Variants in RORA observed in about 807,000 individuals in gnomAD.
The protein encoded by RORA is RAR related orphan receptor A.
In RORA, 7 loss-of-function variants were observed where a neutral mutation model predicts 69.5. The observed-to-expected ratio is 0.10, with a 90% CI of 0.06 to 0.19. The LOEUF (loss-of-function observed/expected upper bound fraction) is 0.19, where lower values mean the gene tolerates loss of function less well. Ranked by LOEUF, RORA falls within the 10% of genes least tolerant of loss-of-function variation. RORA has a pLI of 1.00. For missense variants in RORA, 457 were observed against 663.0 expected (o/e 0.69, Z 3.41); for synonymous variants, 261 against 240.8 (o/e 1.08, Z -0.78).
intron 2 of RORA, among the ~76,000 whole-genome samples, chr15:60,561,310 T>C (rs1454886901): frequency 2.6e-5 from 4 of 151,996 alleles, no homozygotes; most frequent in Non-Finnish European, 5.9e-5. Context: ...CTCGATCTCC[T>C]GACCTCGTGA....
intron 1 of RORA, among the ~76,000 whole-genome samples, chr15:61,008,203 C>CTGTGTG (rs10581853): frequency 5.6e-4 from 75 of 135,132 alleles, no homozygotes; most frequent in African/African-American, 1.4e-3. Context: ...CTCTCTCTCT[C>CTGTGTG]TGTGTGTGTG....
At chr15:60,671,078 A>C (rs2140735594) in intron 2 of RORA, among the ~76,000 whole-genome samples, 1 of 55,602 alleles carries the variant, frequency 1.8e-5, no homozygotes, top group Admixed American at 1.3e-4. Context: ...ATATATATAT[A>C]TATATATATA....
At chr15:60,589,326 G>C (rs2068429906) in intron 2 of RORA, among the ~76,000 whole-genome samples, 1 of 152,222 alleles carries the variant, frequency 6.6e-6, no homozygotes. Context: ...ACATGAATCA[G>C]GCCGGACGAA....
intron 1 of RORA, among the ~76,000 whole-genome samples, chr15:60,767,041 CTG>C (rs1389484466): frequency 2.0e-5 from 3 of 152,202 alleles, no homozygotes; most frequent in African/African-American, 7.2e-5. Context: ...TTTGCCTACA[CTG>C]TGTTTTAAAT....
At chr15:60,713,886 A>G (rs922752376) in intron 1 of RORA, among the ~76,000 whole-genome samples, 2 of 152,240 alleles carry the variant, frequency 1.3e-5, no homozygotes, top group Non-Finnish European at 2.9e-5. Context: ...ACAGCTGCCA[A>G]CTGGCAGACT....
intron 1 of RORA, among the ~76,000 whole-genome samples, chr15:60,888,644 T>C (rs899370761): frequency 1.3e-5 from 2 of 152,174 alleles, no homozygotes; most frequent in African/African-American, 4.8e-5. Context: ...CTGGGCACAG[T>C]GTGGCCGATT....
chr15:61,151,280 C>A (rs971934942), intron 1 of RORA, among the ~76,000 whole-genome samples: 1 of 152,184 alleles, frequency 6.6e-6, no homozygotes, highest in Non-Finnish European at 1.5e-5. Flanking sequence ...TAGAGCCAGG[C>A]CTACACCCTG....
chr15:61,052,813 T>C (rs1217940094), intron 1 of RORA, among the ~76,000 whole-genome samples: 1 of 152,266 alleles, frequency 6.6e-6, no homozygotes, highest in African/African-American at 2.4e-5. Context: ...GACGCGAAGA[T>C]GAAAACTTCA....
intron 1 of RORA, among the ~76,000 whole-genome samples, chr15:60,791,223 A>T (rs2072412532): frequency 6.6e-6 from 1 of 152,162 alleles, no homozygotes; most frequent in South Asian, 2.1e-4. Flanking sequence ...CTCATCTGTG[A>T]TATAGACTTG....
Position 61,065,837 on chromosome 15 carries a change from G to C in RORA, c.166+163216C>G, listed in dbSNP as rs938726953. On this transcript the variant is annotated intron_variant, in intron 1 of 10. Transcript: ENST00000335670. ...ACCCCTAACTTTCATGCAAGACTCT[G>C]ATCCTACTCCTTTAATCTGACTACA... Among the ~76,000 whole-genome samples, 6 of 152,160 alleles carry C rather than the reference G, an allele frequency of 3.9e-5. No homozygotes were observed. In the East Asian group the frequency reaches 7.7e-4, roughly 20 times the overall value.
intron 1 of RORA, among the ~76,000 whole-genome samples, chr15:60,888,646 T>C (rs1382535985): frequency 6.6e-6 from 1 of 152,192 alleles, no homozygotes; most frequent in East Asian, 1.9e-4. Context: ...GGGCACAGTG[T>C]GGCCGATTAT....
rs1448270929 is a variant in RORA, at chr15:61,131,590, A to G, written c.166+97463T>C. 6.6e-6 allele frequency among the ~76,000 whole-genome samples: 1 copy of G among 152,200 alleles called. No individual in the cohort carries two copies. Among genetic ancestry groups the G allele is most frequent in the East Asian group, 1.9e-4 (1 of 5,190 alleles). On this transcript the variant is annotated intron_variant, in intron 1 of 10. Coordinates refer to ENST00000335670, the MANE Select transcript of RORA (RefSeq NM_134261.3). The surrounding 1 kb of genome is among the most constrained non-coding windows in gnomAD (Gnocchi z 4.2). ...AGTTACTCATGCTATAGAAGTAATAATGTTATTAATAGAACATGTGCTACA... is the reference window on the plus strand; with the variant it reads ...AGTTACTCATGCTATAGAAGTAATAGTGTTATTAATAGAACATGTGCTACA...
intron 1 of RORA, among the ~76,000 whole-genome samples, chr15:60,760,125 T>C (rs1250917194): frequency 6.6e-6 from 1 of 151,780 alleles, no homozygotes; most frequent in African/African-American, 2.4e-5. Flanking sequence ...CATTAGAAGC[T>C]CTCTGAGCTT....
In RORA at chr15:60,876,325, G is replaced by T. The variant is rs553773406; in HGVS notation, c.167-197639C>A. ...CTTACAGGAAGTGGGGGGGGGGGGGGGCGGCTAGGAGACCACCACACTTGT... is the reference window on the plus strand; with the variant it reads ...CTTACAGGAAGTGGGGGGGGGGGGGTGCGGCTAGGAGACCACCACACTTGT... On this transcript the variant is annotated intron_variant, in intron 1 of 10. Transcript: ENST00000335670. Among the ~76,000 whole-genome samples, 181 of 134,316 alleles carry T rather than the reference G, an allele frequency of 1.3e-3. 3 individuals are homozygous for T. The highest frequency in any genetic ancestry group is 3.6e-3 in the African/African-American group (129 of 36,116). 88.1% of individuals were successfully genotyped at this position (134,316 alleles called of 152,430 possible). A position where few individuals can be genotyped will look rare whatever the true frequency, so the allele number is the denominator to read the frequency against.
At chr15:61,123,818 T>C (rs1596008836) in intron 1 of RORA, among the ~76,000 whole-genome samples, 1 of 152,172 alleles carries the variant, frequency 6.6e-6, no homozygotes, top group African/African-American at 2.4e-5. Flanking sequence ...TCCATGTCCA[T>C]ACCTGGGAAA....
intron 1 of RORA, among the ~76,000 whole-genome samples, chr15:61,103,003 G>C (rs1184558636): frequency 6.6e-6 from 1 of 152,182 alleles, no homozygotes; most frequent in Non-Finnish European, 1.5e-5. Flanking sequence ...AAAAATTATT[G>C]AGTGCCTACT....
intron 1 of RORA, among the ~76,000 whole-genome samples, chr15:60,840,829 T>G (rs745521424): frequency 1.5e-4 from 23 of 152,158 alleles, no homozygotes; most frequent in Admixed American, 5.9e-4. Context: ...TGACAAAGCA[T>G]CCTGCCTGGC....
chr15:60,977,451 C>T (rs1211222156), intron 1 of RORA, among the ~76,000 whole-genome samples: 4 of 151,744 alleles, frequency 2.6e-5, no homozygotes, highest in Non-Finnish European at 5.9e-5. Flanking sequence ...AAAGGTTTTC[C>T]TGTTTTTTTA....
chr15:60,700,343 T>C (rs750255269), intron 1 of RORA, among the ~76,000 whole-genome samples: 1 of 152,192 alleles, frequency 6.6e-6, no homozygotes, highest in Non-Finnish European at 1.5e-5. Context: ...GTAGTTGACC[T>C]TCGATCCTGT....
Sources: allele counts gnomAD v4.1 joint callset (sites outside exome capture counted in the v4.1 genomes callset), GRCh38; gene constraint gnomAD v4.1.1; non-coding constraint Gnocchi (gnomAD v3.1); transcripts MANE v1.5; gene names NCBI Gene and HGNC (gene_info 2026-07-23, HGNC 2026-07-21).